Variants in RALGAPA1 observed in about 807,000 individuals in gnomAD.
RALGAPA1 encodes Ral GTPase activating protein catalytic subunit alpha 1.
A neutral mutation model predicts 269.6 loss-of-function variants in RALGAPA1; 52 were observed. That is an observed-to-expected ratio of 0.19 (90% CI 0.15 to 0.24). The LOEUF is 0.24. Ranked by LOEUF, RALGAPA1 falls within the 10% of genes least tolerant of loss-of-function variation. The pLI is 1.00. For synonymous variants in RALGAPA1, 817 were observed against 1,008.3 expected (o/e 0.81, Z 3.60); for missense variants, 1,917 against 3,013.9 (o/e 0.64, Z 8.52).
rs943630136 is a variant in RALGAPA1 at position 35,786,017 on chromosome 14, C to T, written c.107-10272G>A. 8.6e-5 allele frequency among the ~76,000 whole-genome samples: 13 copies of T among 151,886 alleles called. 1 individual carries two copies. Among genetic ancestry groups the T allele is most frequent in the Admixed American group, 5.3e-4 (8 of 15,222 alleles). On this transcript the variant is annotated intron_variant, in intron 1 of 41. Transcript: ENST00000680220. ...AAAAAAATACAAAAAATTAGCTGGG[C>T]GTGGTAGTGCACACCTATGGTTCCA... is the stretch of plus-strand genomic sequence containing the variant.
chr14:35,670,075 CTG>C (rs2064279806), intron 26 of RALGAPA1, among the ~76,000 whole-genome samples: 1 of 152,210 alleles, frequency 6.6e-6, no homozygotes, highest in African/African-American at 2.4e-5. Flanking sequence ...CACTAGGTGA[CTG>C]TATCCACTTT....
chr14:35,795,956 C>T (rs751446095), intron 1 of RALGAPA1, among the ~76,000 whole-genome samples: 21 of 151,170 alleles, frequency 1.4e-4, no homozygotes, highest in Non-Finnish European at 2.9e-4. Context: ...CAGAACGAAA[C>T]AAAAAAAGAA....
At chr14:35,621,563 A>G (rs569482916) in intron 35 of RALGAPA1, among the ~76,000 whole-genome samples, 2 of 152,364 alleles carry the variant, frequency 1.3e-5, no homozygotes, top group East Asian at 3.8e-4. Flanking sequence ...AACTGTCATC[A>G]GAGTGAACAG....
intron 28 of RALGAPA1, 130 bp downstream of exon 28, chr14:35,659,008 G>A (rs893981684): frequency 2.1e-6 from 1 of 477,726 alleles, no homozygotes; most frequent in East Asian, 3.4e-5. Flanking sequence ...AATTATTCAA[G>A]TAACTTAAAA....
intron 2 of RALGAPA1, 101 bp downstream of exon 2, chr14:35,775,534 G>C: frequency 7.1e-7 from 1 of 1,407,920 alleles, no homozygotes; most frequent in Non-Finnish European, 9.3e-7. Flanking sequence ...AAAGCTGTCC[G>C]ACAAAAATAA....
intron 1 of RALGAPA1, 57 bp downstream of exon 1, chr14:35,808,673 C>A (rs1409900024): frequency 4.5e-6 from 7 of 1,555,742 alleles, no homozygotes; most frequent in Non-Finnish European, 5.2e-6. Context: ...CAGGGGCTCC[C>A]AGGAGAGGGA....
intron 15 of RALGAPA1, among the ~76,000 whole-genome samples, chr14:35,722,152 T>C (rs1244766552): frequency 6.6e-6 from 1 of 152,188 alleles, no homozygotes; most frequent in Non-Finnish European, 1.5e-5. Context: ...GGAAAGGTGC[T>C]AAACAAAACC....
intron 1 of RALGAPA1, among the ~76,000 whole-genome samples, chr14:35,796,156 CAT>C (rs2076550093): frequency 6.6e-6 from 1 of 151,892 alleles, no homozygotes; most frequent in Non-Finnish European, 1.5e-5. Flanking sequence ...AGCTGTATTC[CAT>C]ATGTTCAAAA....
At position 35,805,105 on chromosome 14, in the gene RALGAPA1, G is replaced by T. The variant is rs2077262245; in HGVS notation, c.106+3625C>A. Among the ~76,000 whole-genome samples, 6 of 151,312 alleles carry T rather than the reference G, an allele frequency of 4.0e-5. No homozygotes were observed. The South Asian group carries it at 1.3e-3, about 32-fold the overall frequency. Reference sequence around the variant, plus strand: ...GTTCAAGACCAGCCTGACCAACATGGTGAAACCCCATCTCTATTAGGAATA... The same window carrying T: ...GTTCAAGACCAGCCTGACCAACATGTTGAAACCCCATCTCTATTAGGAATA... On this transcript the variant is annotated intron_variant, in intron 1 of 41. Coordinates refer to ENST00000680220, the MANE Select transcript of RALGAPA1 (RefSeq NM_001346249.2).
chr14:35,683,144 G>A (rs1292052653), intron 21 of RALGAPA1, among the ~76,000 whole-genome samples: 3 of 152,166 alleles, frequency 2.0e-5, no homozygotes, highest in Non-Finnish European at 4.4e-5. Flanking sequence ...GGATTATAGA[G>A]TGGAACCCCC....
intron 39 of RALGAPA1, among the ~76,000 whole-genome samples, chr14:35,561,506 GTTTTTTTTTT>G (rs750062810): frequency 1.5e-4 from 11 of 72,920 alleles, no homozygotes; most frequent in Middle Eastern, 9.3e-3. Flanking sequence ...TAATATAGGA[GTTTTTTTTTT>G]TTTTTTTTTT....
At chr14:35,808,095 C>T (rs1320079428) in intron 1 of RALGAPA1, among the ~76,000 whole-genome samples, 1 of 152,086 alleles carries the variant, frequency 6.6e-6, no homozygotes, top group East Asian at 1.9e-4. Context: ...CAAAACAGAA[C>T]TTAAGGGCAG....
intron 39 of RALGAPA1, among the ~76,000 whole-genome samples, 200 bp from the exon 40 acceptor site, chr14:35,549,434 C>G (rs1316411769): frequency 6.6e-6 from 1 of 151,974 alleles, no homozygotes; most frequent in African/African-American, 2.4e-5. Flanking sequence ...TCTTCATGAT[C>G]CCAGTATAAA....
chr14:35,786,101 G>A (rs1283246429), intron 1 of RALGAPA1, among the ~76,000 whole-genome samples: 3 of 152,210 alleles, frequency 2.0e-5, no homozygotes, highest in African/African-American at 2.4e-5. Flanking sequence ...AGGTTGCAGT[G>A]AGCCGAGATT....
intron 37 of RALGAPA1, among the ~76,000 whole-genome samples, chr14:35,574,866 C>T (rs2057439822): frequency 6.6e-6 from 1 of 152,096 alleles, no homozygotes; most frequent in South Asian, 2.1e-4. Flanking sequence ...GTGGCTCACA[C>T]TTGCAATCCG....
At chr14:35,733,261 T>C (rs992710640) in intron 12 of RALGAPA1, among the ~76,000 whole-genome samples, 5 of 152,140 alleles carry the variant, frequency 3.3e-5, no homozygotes, top group Non-Finnish European at 5.9e-5. Context: ...GCGGATCACC[T>C]GAGTGTGGGA....
intron 7 of RALGAPA1, among the ~76,000 whole-genome samples, chr14:35,753,969 A>G (rs2072961796): frequency 6.6e-6 from 1 of 152,162 alleles, no homozygotes; most frequent in Admixed American, 6.6e-5. Flanking sequence ...AGGTAGTTAC[A>G]CAGTACTTCC....
intron 1 of RALGAPA1, among the ~76,000 whole-genome samples, chr14:35,800,236 C>T (rs1432786744): frequency 1.3e-5 from 2 of 152,220 alleles, no homozygotes; most frequent in Non-Finnish European, 2.9e-5. Flanking sequence ...TAACAAGCAA[C>T]TCGTCCTAAT....
At chr14:35,709,392 A>C (rs1348062322) in intron 16 of RALGAPA1, among the ~76,000 whole-genome samples, 1 of 152,042 alleles carries the variant, frequency 6.6e-6, no homozygotes, top group Admixed American at 6.5e-5. Flanking sequence ...AGAAATAATA[A>C]AAGGATCACT....
Sources: allele counts gnomAD v4.1 joint callset (sites outside exome capture counted in the v4.1 genomes callset), GRCh38; gene constraint gnomAD v4.1.1; transcripts MANE v1.5; gene names NCBI Gene and HGNC (gene_info 2026-07-23, HGNC 2026-07-21).